Variants in CTNNA3 observed in about 807,000 individuals in gnomAD.
CTNNA3 encodes the protein catenin alpha 3.
In CTNNA3, 76 loss-of-function variants were observed where a neutral mutation model predicts 95.7. The observed-to-expected ratio is 0.79, with a 90% CI of 0.66 to 0.96. The LOEUF is 0.96. Among genes scored for constraint, CTNNA3 ranks in the 40% least tolerant of loss-of-function variants. CTNNA3 has a pLI of 0.00. For synonymous variants in CTNNA3, 431 were observed against 374.4 expected (o/e 1.15, Z -1.74); for missense variants, 1,191 against 1,089.8 (o/e 1.09, Z -1.31).
chr10:66,924,874 A>G (rs1034730545), intron 7 of CTNNA3, among the ~76,000 whole-genome samples: 3 of 152,176 alleles, frequency 2.0e-5, no homozygotes, highest in Non-Finnish European at 4.4e-5. Context: ...AACGCGCTTA[A>G]GGTTACATAG....
chr10:66,480,350 A>C (rs1839476816), intron 11 of CTNNA3, among the ~76,000 whole-genome samples: 1 of 151,188 alleles, frequency 6.6e-6, no homozygotes, highest in Non-Finnish European at 1.5e-5. Context: ...AAAGAAGTAA[A>C]ATTATTTATT....
At chr10:66,652,243 T>C (rs1317813081) in intron 9 of CTNNA3, among the ~76,000 whole-genome samples, 1 of 151,378 alleles carries the variant, frequency 6.6e-6, no homozygotes, top group Non-Finnish European at 1.5e-5. Flanking sequence ...TTAATCAAAA[T>C]GGACAAATCT....
chr10:67,608,885 G>A (rs558802761), intron 2 of CTNNA3, among the ~76,000 whole-genome samples: 1 of 152,142 alleles, frequency 6.6e-6, no homozygotes, highest in African/African-American at 2.4e-5. Context: ...GAGGTCGGGA[G>A]TTCAAGACCA....
intron 17 of CTNNA3, among the ~76,000 whole-genome samples, chr10:65,959,145 CTG>C (rs2077790637): frequency 6.6e-6 from 1 of 152,162 alleles, no homozygotes; most frequent in African/African-American, 2.4e-5. Context: ...TCTCAGACTG[CTG>C]TGCCAGCAGT....
At chr10:66,436,149 C>T (rs2093336120) in intron 11 of CTNNA3, among the ~76,000 whole-genome samples, 1 of 152,090 alleles carries the variant, frequency 6.6e-6, no homozygotes, top group South Asian at 2.1e-4. Context: ...AATGTATATT[C>T]TGTTGATTTG....
At chr10:66,091,338 T>C (rs2133693803) in intron 14 of CTNNA3, among the ~76,000 whole-genome samples, 1 of 152,080 alleles carries the variant, frequency 6.6e-6, no homozygotes, top group East Asian at 1.9e-4. Flanking sequence ...ACCCTATTTA[T>C]TCTGTAGCTA....
chr10:66,639,766 T>C (rs1360639520), intron 9 of CTNNA3, among the ~76,000 whole-genome samples: 3 of 152,202 alleles, frequency 2.0e-5, no homozygotes, highest in Non-Finnish European at 2.9e-5. Flanking sequence ...AGAATCATTC[T>C]AATACTGTGT....
chr10:66,741,334 G>C (rs1849319526), intron 9 of CTNNA3, among the ~76,000 whole-genome samples: 2 of 152,164 alleles, frequency 1.3e-5, no homozygotes, highest in South Asian at 4.1e-4. Context: ...TAGGGGGCAG[G>C]TAAGTCAAAA....
At chr10:66,551,096 C>T (rs74985868) in intron 10 of CTNNA3, among the ~76,000 whole-genome samples, 12 of 152,222 alleles carry the variant, frequency 7.9e-5, no homozygotes, top group South Asian at 2.1e-4. Flanking sequence ...CAAGACATGA[C>T]GGAAGGTCCA....
intron 5 of CTNNA3, among the ~76,000 whole-genome samples, chr10:67,345,271 C>T (rs1842366918): frequency 6.6e-6 from 1 of 152,026 alleles, no homozygotes; most frequent in African/African-American, 2.4e-5. Context: ...ATGGTCTATC[C>T]TTGAGAATAA....
intron 17 of CTNNA3, among the ~76,000 whole-genome samples, chr10:65,937,463 G>A (rs1348515323): frequency 6.6e-6 from 1 of 152,116 alleles, no homozygotes; most frequent in African/African-American, 2.4e-5. Flanking sequence ...GCTTCCATGA[G>A]TAGATGTTTG....
chr10:65,999,416 C>A (rs1332465424), intron 15 of CTNNA3, among the ~76,000 whole-genome samples: 3 of 152,098 alleles, frequency 2.0e-5, no homozygotes, highest in African/African-American at 7.2e-5. Context: ...AGTTTAAAAA[C>A]CCTGGGCTGA....
chr10:66,283,622 C>T (rs573848050), intron 12 of CTNNA3, among the ~76,000 whole-genome samples: 4 of 151,772 alleles, frequency 2.6e-5, no homozygotes, highest in African/African-American at 9.7e-5. Flanking sequence ...ATATTAGCTT[C>T]AATTAAAATA....
chr10:67,589,072 GA>G (rs1842720342), intron 3 of CTNNA3, among the ~76,000 whole-genome samples: 2 of 151,830 alleles, frequency 1.3e-5, no homozygotes, highest in African/African-American at 4.8e-5. Context: ...AAGAGAGAAA[GA>G]AATGTAAGGC....
chr10:67,119,079 T>C (rs1379312800), intron 7 of CTNNA3, among the ~76,000 whole-genome samples: 2 of 151,872 alleles, frequency 1.3e-5, no homozygotes, highest in Non-Finnish European at 2.9e-5. Context: ...TAAAGCCAAA[T>C]ACTAATGAAA....
chr10:66,678,007 G>T (rs1846925215), intron 9 of CTNNA3, among the ~76,000 whole-genome samples: 1 of 152,028 alleles, frequency 6.6e-6, no homozygotes, highest in Non-Finnish European at 1.5e-5. Context: ...AACTCCTCCT[G>T]CCAAAACCAT....
At chr10:66,130,246 C>T (rs376288560) in intron 13 of CTNNA3, among the ~76,000 whole-genome samples, 1 of 152,070 alleles carries the variant, frequency 6.6e-6, no homozygotes, top group Admixed American at 6.6e-5. Context: ...GCACTAAATG[C>T]CTACATCAAA....
intron 2 of CTNNA3, among the ~76,000 whole-genome samples, chr10:67,642,152 A>G (rs937031709): frequency 2.6e-5 from 4 of 152,208 alleles, no homozygotes; most frequent in South Asian, 4.1e-4. Context: ...GAAAATGCCA[A>G]AAGCAATTGC....
chr10:67,710,892 C>G (rs2133610844), intron 1 of CTNNA3, among the ~76,000 whole-genome samples: 1 of 152,276 alleles, frequency 6.6e-6, no homozygotes, highest in South Asian at 2.1e-4. Flanking sequence ...TTGGCTGTGT[C>G]CCCACCCAAA....
Sources: gnomAD v4.1 joint callset for allele counts (sites outside exome capture counted in the v4.1 genomes callset) on GRCh38, gnomAD v4.1.1 for gene constraint, MANE v1.5 for transcripts, NCBI Gene and HGNC (gene_info 2026-07-23, HGNC 2026-07-21) for gene names.